ALK: variants seen among roughly 807,000 people sequenced by gnomAD.
ALK encodes the protein ALK receptor tyrosine kinase, also known as ALK tyrosine kinase receptor.
In ALK, 74 loss-of-function variants were observed where a neutral mutation model predicts 163.1. The ratio of observed to expected loss-of-function variants is 0.45; its 90% confidence interval spans 0.38 to 0.55. ALK has a LOEUF of 0.55. Among genes scored for constraint, ALK ranks in the 20% least tolerant of loss-of-function variants. The probability of loss-of-function intolerance (pLI) is 0.00; values close to 1 mark genes in which losing one functional copy is unlikely to be tolerated. For synonymous variants in ALK, 960 were observed against 843.2 expected (o/e 1.14, Z -2.40); for missense variants, 2,063 against 2,105.3 (o/e 0.98, Z 0.39).
At chr2:29,790,345 A>G (rs1558489490) in intron 1 of ALK, among the ~76,000 whole-genome samples, 1 of 152,184 alleles carries the variant, frequency 6.6e-6, no homozygotes, top group Non-Finnish European at 1.5e-5. Flanking sequence ...TGTCTATGCA[A>G]TCACAAGTGA....
intron 1 of ALK, among the ~76,000 whole-genome samples, chr2:29,736,002 G>A (rs1679881797): frequency 6.6e-6 from 1 of 152,044 alleles, no homozygotes; most frequent in Non-Finnish European, 1.5e-5. Flanking sequence ...AGAAAACTGA[G>A]CCATCGAAAA....
chr2:29,237,477 T>C (rs1036606065), intron 13 of ALK, among the ~76,000 whole-genome samples: 2 of 152,176 alleles, frequency 1.3e-5, no homozygotes, highest in African/African-American at 4.8e-5. Flanking sequence ...CGAGTGTTCC[T>C]TGAGCATCGA....
intron 4 of ALK, among the ~76,000 whole-genome samples, chr2:29,514,592 T>C (rs1023626332): frequency 7.9e-5 from 12 of 152,172 alleles, no homozygotes; most frequent in African/African-American, 2.9e-4. Context: ...ATGCGTTTCC[T>C]CTTGGATGTT....
chr2:29,590,309 G>T (rs1198607851), intron 3 of ALK, among the ~76,000 whole-genome samples: 1 of 152,072 alleles, frequency 6.6e-6, no homozygotes, highest in Admixed American at 6.5e-5. Flanking sequence ...CTCTACAACG[G>T]TCTACCCAAA....
intron 1 of ALK, among the ~76,000 whole-genome samples, chr2:29,834,622 T>C (rs545387369): frequency 6.6e-6 from 1 of 152,202 alleles, no homozygotes; most frequent in South Asian, 2.1e-4. Flanking sequence ...GAGATTGCAA[T>C]AGGAAATACT....
At chr2:29,309,030 C>A in intron 8 of ALK, among the ~76,000 whole-genome samples, 1 of 152,102 alleles carries the variant, frequency 6.6e-6, no homozygotes, top group East Asian at 1.9e-4. Flanking sequence ...AAACGGCCTC[C>A]TCTGTGTCTC....
At chr2:29,571,564 C>A (rs1354187531) in intron 3 of ALK, among the ~76,000 whole-genome samples, 2 of 143,966 alleles carry the variant, frequency 1.4e-5, no homozygotes, top group East Asian at 4.3e-4. Context: ...GTCAATTAAA[C>A]CTCTTTCCTT....
chr2:29,240,891 G>C (rs1215350414), intron 12 of ALK, among the ~76,000 whole-genome samples: 11 of 152,214 alleles, frequency 7.2e-5, no homozygotes, highest in African/African-American at 2.7e-4. Flanking sequence ...AAAAAACCAG[G>C]AAGAGATGCA....
At chr2:29,197,714 C>T (rs775653460) in intron 26 of ALK, 38 bp from the exon 27 acceptor site, 1 of 1,523,332 alleles carries the variant, frequency 6.6e-7, no homozygotes, top group East Asian at 2.3e-5. Context: ...TGGATATAGA[C>T]ACACCCACCC....
intron 1 of ALK, among the ~76,000 whole-genome samples, chr2:29,783,927 C>T (rs1340055005): frequency 6.6e-6 from 1 of 152,168 alleles, no homozygotes; most frequent in African/African-American, 2.4e-5. Flanking sequence ...GTTAATTTCC[C>T]TGGGCATCAG....
intron 4 of ALK, among the ~76,000 whole-genome samples, chr2:29,485,835 T>C (rs1055478905): frequency 3.9e-5 from 6 of 152,184 alleles, no homozygotes; most frequent in African/African-American, 1.2e-4. Flanking sequence ...GGACTGCAAC[T>C]TGCGAAAAAC....
At chr2:29,594,538 C>T (rs990472750) in intron 3 of ALK, among the ~76,000 whole-genome samples, 1 of 151,010 alleles carries the variant, frequency 6.6e-6, no homozygotes, top group South Asian at 2.1e-4. Context: ...AAGCGATTCT[C>T]CTGCCTCCGC....
At chr2:29,570,493 T>A (rs1233346259) in intron 3 of ALK, among the ~76,000 whole-genome samples, 1 of 152,190 alleles carries the variant, frequency 6.6e-6, no homozygotes, top group East Asian at 1.9e-4. Context: ...ACAGAAAGTG[T>A]TCAGAGATTC....
At chr2:29,228,552 C>G (rs759876006) in intron 16 of ALK, among the ~76,000 whole-genome samples, 4 of 152,114 alleles carry the variant, frequency 2.6e-5, no homozygotes, top group Non-Finnish European at 5.9e-5. Context: ...GCTGGCTTGG[C>G]CAGGCCATCC....
rs939595468 is a variant in ALK, at chr2:29,405,315, A to G, written c.1155-21456T>C. ...CTCTGATGAGCAGGTTTTCAATACA[A>G]CAGCAGCTGTCTGTGTCTTCTAACC... On this transcript the variant is annotated intron_variant, in intron 4 of 28. Transcript: ENST00000389048. Among the ~76,000 whole-genome samples the G allele has an allele frequency of 5.3e-5, 8 of 152,210 alleles. 1 individual carries two copies. The South Asian group carries it at 1.2e-3, about 24-fold the overall frequency.
chr2:29,572,307 G>T (rs113660999), intron 3 of ALK, among the ~76,000 whole-genome samples: 1 of 152,220 alleles, frequency 6.6e-6, no homozygotes, highest in Non-Finnish European at 1.5e-5. Context: ...AGACGTCAGC[G>T]TTGTGGGCCA....
At chr2:29,651,034 A>C (rs17008400) in intron 3 of ALK, among the ~76,000 whole-genome samples, 14,982 of 152,058 alleles carry the variant, frequency 0.099, 1,531 homozygotes, top group African/African-American at 0.26. Flanking sequence ...GTGGTGTGGG[A>C]TGTTCAGGGA....
intron 3 of ALK, among the ~76,000 whole-genome samples, chr2:29,632,885 T>G (rs1676418153): frequency 1.3e-5 from 2 of 152,152 alleles, no homozygotes; most frequent in African/African-American, 4.8e-5. Flanking sequence ...TCATGAGACT[T>G]ATTTACTACC....
chr2:29,534,648 T>G (rs941578782), intron 3 of ALK, among the ~76,000 whole-genome samples: 2 of 152,182 alleles, frequency 1.3e-5, no homozygotes, highest in African/African-American at 4.8e-5. Context: ...ATAAAGAAAG[T>G]ATCTCCATTC....
Sources: gnomAD v4.1 joint callset for allele counts (sites outside exome capture counted in the v4.1 genomes callset) on GRCh38, gnomAD v4.1.1 for gene constraint, MANE v1.5 for transcripts, NCBI Gene and HGNC (gene_info 2026-07-23, HGNC 2026-07-21) for gene names.